Variants in CHCHD3 observed in about 807,000 individuals in gnomAD.
CHCHD3 encodes MICOS complex subunit MIC19.
CHCHD3 carries 20 observed loss-of-function variants against 38.2 expected under a neutral mutation model. The observed-to-expected ratio is 0.52, with a 90% CI of 0.37 to 0.76. The LOEUF (loss-of-function observed/expected upper bound fraction) is 0.76, where lower values mean the gene tolerates loss of function less well. Among genes scored for constraint, CHCHD3 ranks in the 30% least tolerant of loss-of-function variants. The pLI is 0.00. For missense variants in CHCHD3, 245 were observed against 279.2 expected (o/e 0.88, Z 0.87); for synonymous variants, 82 against 100.0 (o/e 0.82, Z 1.07).
At chr7:133,012,886 C>T (rs1812920273) in intron 3 of CHCHD3, among the ~76,000 whole-genome samples, 1 of 150,008 alleles carries the variant, frequency 6.7e-6, no homozygotes, top group Non-Finnish European at 1.5e-5. Context: ...CCTTCAATAA[C>T]CGACATCAAA....
Position 132,964,915 on chromosome 7 carries a change from C to T in CHCHD3, c.369+10254G>A, listed in dbSNP as rs138634290. Among the ~76,000 whole-genome samples the T allele has an allele frequency of 1.6e-3, 241 of 152,276 alleles. 1 individual carries two copies. Among genetic ancestry groups the T allele is most frequent in the Non-Finnish European group, 2.6e-3 (176 of 68,024 alleles). ...TGGTAGTGCTAATATTTCTCACCCA[C>T]GCTGGTAAACAAATTATTCTCAATC... On this transcript the variant is annotated intron_variant, in intron 4 of 7. Coordinates refer to ENST00000262570, the MANE Select transcript of CHCHD3 (RefSeq NM_017812.4).
chr7:133,074,063 C>T (rs1297241798), intron 1 of CHCHD3, among the ~76,000 whole-genome samples: 1 of 152,194 alleles, frequency 6.6e-6, no homozygotes, highest in Non-Finnish European at 1.5e-5. Flanking sequence ...ATTCCTTGTG[C>T]CTGCTGTTCC....
At chr7:132,808,646 C>T (rs1806990928) in intron 6 of CHCHD3, among the ~76,000 whole-genome samples, 1 of 152,150 alleles carries the variant, frequency 6.6e-6, no homozygotes, top group Admixed American at 6.5e-5. Flanking sequence ...CTTATCCAAA[C>T]AAGATTTTCC....
intron 3 of CHCHD3, among the ~76,000 whole-genome samples, chr7:133,000,613 T>G (rs567606477): frequency 6.6e-6 from 1 of 152,274 alleles, no homozygotes; most frequent in East Asian, 1.9e-4. Flanking sequence ...GTCTTATGTT[T>G]AAATATATTA....
intron 5 of CHCHD3, among the ~76,000 whole-genome samples, chr7:132,871,216 C>A (rs1316779161): frequency 6.6e-6 from 1 of 152,150 alleles, no homozygotes; most frequent in Non-Finnish European, 1.5e-5. Context: ...TCTATTTAGA[C>A]TAAAATATAC....
In CHCHD3 at chr7:132,898,448, T is replaced by C. The variant is rs187318895; in HGVS notation, c.370-12703A>G. On this transcript the variant is annotated intron_variant, in intron 4 of 7. Transcript: ENST00000262570. The stretch of plus-strand genomic sequence containing the variant: ...TTCTCCAAGGCCCCACCAGAGTAGC[T>C]AGATACAGAGTGTCGATTGGTGCAT... Among the ~76,000 whole-genome samples the C allele has an allele frequency of 6.6e-3, 1,001 of 152,274 alleles. 11 individuals are homozygous for C. The highest frequency in any genetic ancestry group is 0.022 in the African/African-American group (929 of 41,558).
chr7:132,879,596 G>T (rs900561860), intron 5 of CHCHD3, among the ~76,000 whole-genome samples: 1 of 151,542 alleles, frequency 6.6e-6, no homozygotes, highest in African/African-American at 2.4e-5. Context: ...GATAACCACG[G>T]TCCTACCCCT....
chr7:132,948,372 G>A (rs139424572), intron 4 of CHCHD3, among the ~76,000 whole-genome samples: 3 of 152,048 alleles, frequency 2.0e-5, no homozygotes, highest in Non-Finnish European at 2.9e-5. Context: ...AAAGAAAGAG[G>A]GGAAGAAAAT....
chr7:133,052,742 T>C (rs1814203602), intron 2 of CHCHD3, among the ~76,000 whole-genome samples: 1 of 152,156 alleles, frequency 6.6e-6, no homozygotes, highest in South Asian at 2.1e-4. Context: ...GAATCCAAAG[T>C]TGATATTTCA....
intron 4 of CHCHD3, among the ~76,000 whole-genome samples, chr7:132,974,532 T>C (rs763697135): frequency 3.9e-5 from 6 of 151,966 alleles, no homozygotes; most frequent in South Asian, 2.1e-4. Flanking sequence ...GAAGCCTACA[T>C]TGCTGACCCC....
rs1025544306 is a variant in CHCHD3 at position 132,974,150 on chromosome 7, T to C, written c.369+1019A>G. The C allele has an allele frequency of 1.9e-5, 11 of 581,524 alleles. No homozygotes were observed. In the African/African-American group the frequency reaches 2.2e-4, roughly 11 times the overall value. 36.0% of individuals were successfully genotyped at this position (581,524 alleles called of 1,614,324 possible). A position where few individuals can be genotyped will look rare whatever the true frequency, so the allele number is the denominator to read the frequency against. The stretch of plus-strand genomic sequence containing the variant: ...TGACATAGGAAAATGTTCATGAGGC[T>C]TAACACCATCTATAGCATTATCTAA... On this transcript the variant is annotated intron_variant, in intron 4 of 7. Transcript: ENST00000262570.
intron 6 of CHCHD3, among the ~76,000 whole-genome samples, chr7:132,833,614 C>CA (rs1807700385): frequency 6.6e-6 from 1 of 152,138 alleles, no homozygotes; most frequent in Non-Finnish European, 1.5e-5. Flanking sequence ...GTTGTATATT[C>CA]AGGCTTGGCT....
rs1585602713 is a variant in CHCHD3, at chr7:132,884,031, T to C, written c.453+1631A>G. ...CTTTAAAATACCGAACCACATTTCA[T>C]TACTTCCCCTGTCGGCACTCAGACC... is the stretch of plus-strand genomic sequence containing the variant. On this transcript the variant is annotated intron_variant, in intron 5 of 7. Transcript: ENST00000262570. Among the ~76,000 whole-genome samples, 4 of 152,160 alleles carry C rather than the reference T, an allele frequency of 2.6e-5. No homozygotes were observed. The East Asian group carries it at 7.7e-4, about 29-fold the overall frequency.
chr7:133,033,780 T>A (rs1012216622), intron 2 of CHCHD3, among the ~76,000 whole-genome samples: 2 of 152,164 alleles, frequency 1.3e-5, no homozygotes, highest in African/African-American at 4.8e-5. Context: ...CCGGTCCACT[T>A]ATAAAGATCA....
chr7:132,860,191 T>G (rs866542051), intron 5 of CHCHD3, among the ~76,000 whole-genome samples: 4 of 152,012 alleles, frequency 2.6e-5, no homozygotes, highest in African/African-American at 7.2e-5. Flanking sequence ...GAAGATCAAT[T>G]GAGCCCAGGA....
At chr7:132,991,160 C>T (rs961488158) in intron 3 of CHCHD3, among the ~76,000 whole-genome samples, 4 of 152,156 alleles carry the variant, frequency 2.6e-5, no homozygotes, top group African/African-American at 9.7e-5. Flanking sequence ...TTACATTGAG[C>T]TGCTAATTTG....
intron 6 of CHCHD3, among the ~76,000 whole-genome samples, chr7:132,812,437 G>A (rs1396066315): frequency 1.3e-5 from 2 of 151,790 alleles, no homozygotes; most frequent in Admixed American, 1.3e-4. Flanking sequence ...TCAAACTCTT[G>A]ACCTCAAGTG....
At chr7:132,802,867 A>G (rs1475629100) in intron 6 of CHCHD3, among the ~76,000 whole-genome samples, 1 of 152,012 alleles carries the variant, frequency 6.6e-6, no homozygotes, top group Non-Finnish European at 1.5e-5. Context: ...TCAAGCCTAC[A>G]AAGTCTTCTC....
rs555854927 is a variant in CHCHD3, at chr7:133,014,724, C to T, written c.251+9822G>A. On this transcript the variant is annotated intron_variant, in intron 3 of 7. Coordinates refer to ENST00000262570, the MANE Select transcript of CHCHD3 (RefSeq NM_017812.4). Reference sequence around the variant, plus strand: ...TAGAGAGAAACGTAAATATTTTTCCCCTCTGCAATCATTAATTAAAGTAAT... The same window carrying T: ...TAGAGAGAAACGTAAATATTTTTCCTCTCTGCAATCATTAATTAAAGTAAT... 7.9e-5 allele frequency among the ~76,000 whole-genome samples: 12 copies of T among 152,076 alleles called. No homozygotes were observed. In the South Asian group the frequency reaches 1.7e-3, roughly 21 times the overall value.
Sources: gnomAD v4.1 joint callset for allele counts (sites outside exome capture counted in the v4.1 genomes callset) on GRCh38, gnomAD v4.1.1 for gene constraint, MANE v1.5 for transcripts, NCBI Gene and HGNC (gene_info 2026-07-23, HGNC 2026-07-21) for gene names.